IFI27L1: variants seen among roughly 807,000 people sequenced by gnomAD.
IFI27L1 encodes interferon alpha inducible protein 27 like 1.
IFI27L1 carries 3 observed loss-of-function variants against 9.2 expected under a neutral mutation model. The ratio of observed to expected loss-of-function variants is 0.32; its 90% CI spans 0.15 to 0.84. IFI27L1 has a LOEUF of 0.84. Among genes scored for constraint, IFI27L1 ranks in the 40% least tolerant of loss-of-function variants. The pLI is 0.56. For synonymous variants in IFI27L1, 53 were observed against 50.0 expected, an observed-to-expected ratio of 1.06 and a Z score of -0.26; for missense variants, 133 against 134.2, an observed-to-expected ratio of 0.99 and a Z score of 0.05.
At position 94,097,881 on chromosome 14, in the gene IFI27L1, C is replaced by T. The variant is rs1886732419; in HGVS notation, c.28+916C>T. Among the ~76,000 whole-genome samples, 6 of 152,132 alleles carry T rather than the reference C, an allele frequency of 3.9e-5. No individual in the cohort carries two copies. The South Asian group carries it at 1.2e-3, about 32-fold the overall frequency. On this transcript the variant is annotated intron_variant, in intron 2 of 4. Coordinates refer to ENST00000555523, the MANE Select transcript of IFI27L1 (RefSeq NM_206949.3). ...ATGTTTGAGGTGCTTCTCAGATACC[C>T]AAGGGACATGTTAAGTAGGTCTAGG...
chr14:94,092,540 C>G (rs1299683450), intron 1 of IFI27L1, among the ~76,000 whole-genome samples: 39 of 152,038 alleles, frequency 2.6e-4, no homozygotes, highest in Admixed American at 2.6e-3. Flanking sequence ...ACAAAAAAAA[C>G]TTTACAGACA....
intron 2 of IFI27L1, chr14:94,097,692 C>A: frequency 1.4e-6 from 1 of 702,190 alleles, no homozygotes; most frequent in Non-Finnish European, 2.6e-6. Flanking sequence ...AATAAGCATT[C>A]ACGGATAGAT....
chr14:94,090,783 C>T (rs888440745), intron 1 of IFI27L1, among the ~76,000 whole-genome samples: 8 of 152,164 alleles, frequency 5.3e-5, no homozygotes, highest in Non-Finnish European at 2.9e-5. Context: ...GTAAAATAAC[C>T]GATGTCTCCA....
At chr14:94,095,066 A>G (rs1249022908) in intron 1 of IFI27L1, among the ~76,000 whole-genome samples, 1 of 152,166 alleles carries the variant, frequency 6.6e-6, no homozygotes, top group East Asian at 1.9e-4. Context: ...ACAGGATCTC[A>G]CTGTGTTGCC....
At chr14:94,088,683 T>C (rs1027947421) in intron 1 of IFI27L1, among the ~76,000 whole-genome samples, 4 of 152,190 alleles carry the variant, frequency 2.6e-5, no homozygotes, top group African/African-American at 9.6e-5. Context: ...AGCTGAACTC[T>C]GACTAATAGA....
chr14:94,097,085 G>A, intron 2 of IFI27L1, 120 bp downstream of exon 2: 1 of 697,404 alleles, frequency 1.4e-6, no homozygotes, highest in Non-Finnish European at 2.2e-6. Flanking sequence ...GGCTATCCAT[G>A]GAAAAGAATT....
intron 1 of IFI27L1, among the ~76,000 whole-genome samples, chr14:94,093,362 G>A (rs34548522): frequency 0.29 from 43,862 of 151,182 alleles, 6,722 homozygotes; most frequent in East Asian, 0.5. Context: ...TAGTAGAGAC[G>A]GGGTTTCACT....
chr14:94,097,131 A>G lies in IFI27L1; in HGVS notation c.28+166A>G, dbSNP rs565546715. On this transcript the variant is annotated intron_variant, in intron 2 of 4. Transcript: ENST00000555523. ...GAATGACGGGATTTTTAAATCCCAG[A>G]ATACACATGCCACAGTGGACCATGG... is the stretch of plus-strand genomic sequence containing the variant. Among the ~76,000 whole-genome samples the G allele has an allele frequency of 2.8e-3, 420 of 152,374 alleles. 2 individuals are homozygous for G. Among genetic ancestry groups the G allele is most frequent in the African/African-American group, 9.7e-3 (403 of 41,594 alleles).
intron 2 of IFI27L1, among the ~76,000 whole-genome samples, chr14:94,099,881 C>T (rs1460710610): frequency 6.6e-6 from 1 of 152,140 alleles, no homozygotes; most frequent in Non-Finnish European, 1.5e-5. Context: ...ACCTTCTGTT[C>T]TCTGAGCTGT....
chr14:94,081,866 A>T (rs1886118727), intron 1 of IFI27L1, among the ~76,000 whole-genome samples: 1 of 152,204 alleles, frequency 6.6e-6, no homozygotes, highest in Non-Finnish European at 1.5e-5. Flanking sequence ...CTATTCCCTG[A>T]GACACAACAG....
intron 1 of IFI27L1, among the ~76,000 whole-genome samples, chr14:94,094,132 T>G (rs577786213): frequency 6.6e-6 from 1 of 152,270 alleles, no homozygotes. Flanking sequence ...AATTTAGGAA[T>G]GTTAGAGTCC....
intron 1 of IFI27L1, chr14:94,088,414 C>T (rs1359815654): frequency 1.3e-5 from 9 of 696,364 alleles, no homozygotes; most frequent in Non-Finnish European, 2.4e-5. Context: ...TCTTGGTGGC[C>T]CACTTTTAGG....
At chr14:94,092,072 G>T (rs1461333858) in intron 1 of IFI27L1, among the ~76,000 whole-genome samples, 1 of 151,510 alleles carries the variant, frequency 6.6e-6, no homozygotes, top group African/African-American at 2.4e-5. Flanking sequence ...GTTGCAGTGA[G>T]CCGAGATTGC....
At chr14:94,098,681 A>G (rs1886770782) in intron 2 of IFI27L1, among the ~76,000 whole-genome samples, 1 of 152,090 alleles carries the variant, frequency 6.6e-6, no homozygotes, top group Non-Finnish European at 1.5e-5. Flanking sequence ...GGCACCAAGG[A>G]GGTCAGTGGG....
intron 1 of IFI27L1, among the ~76,000 whole-genome samples, chr14:94,084,338 C>T (rs913073851): frequency 6.6e-6 from 1 of 152,038 alleles, no homozygotes; most frequent in Non-Finnish European, 1.5e-5. Context: ...CCCGTCTCTA[C>T]AAAAAATGCA....
intron 1 of IFI27L1, among the ~76,000 whole-genome samples, chr14:94,096,343 A>G (rs1478596354): frequency 1.3e-5 from 2 of 152,164 alleles, no homozygotes; most frequent in African/African-American, 4.8e-5. Flanking sequence ...GGTTGCTTCC[A>G]TCTCTTAGCT....
chr14:94,096,575 T>G (rs1886675162), intron 1 of IFI27L1, among the ~76,000 whole-genome samples: 1 of 151,580 alleles, frequency 6.6e-6, no homozygotes, highest in African/African-American at 2.4e-5. Flanking sequence ...GCACCTGTAA[T>G]CCCAGCTACT....
chr14:94,094,241 G>A (rs527808837), intron 1 of IFI27L1, among the ~76,000 whole-genome samples: 5 of 152,284 alleles, frequency 3.3e-5, no homozygotes, highest in South Asian at 2.1e-4. Context: ...CTCTCTTTGG[G>A]TTAATCTGCC....
chr14:94,085,782 C>G (rs1327359358), intron 1 of IFI27L1, among the ~76,000 whole-genome samples: 1 of 152,122 alleles, frequency 6.6e-6, no homozygotes, highest in African/African-American at 2.4e-5. Context: ...TCCACCACCC[C>G]AGAAAATTCA....
Sources: gnomAD v4.1 joint callset for allele counts (sites outside exome capture counted in the v4.1 genomes callset) on GRCh38, gnomAD v4.1.1 for gene constraint, MANE v1.5 for transcripts, NCBI Gene and HGNC (gene_info 2026-07-23, HGNC 2026-07-21) for gene names.